Variants in LAMP1 observed in about 807,000 individuals in gnomAD.
LAMP1 encodes lysosome associated membrane protein 1, also known as lysosome-associated membrane glycoprotein 1.
Under a neutral mutation model 37.5 loss-of-function variants are expected in LAMP1, and 7 were observed. That is an observed-to-expected ratio of 0.19 (90% CI 0.11 to 0.35). The LOEUF (loss-of-function observed/expected upper bound fraction) is 0.35, where lower values mean the gene tolerates loss of function less well. LAMP1 is among the 10% of genes least tolerant of loss of function. The pLI, the probability that LAMP1 is intolerant of heterozygous loss-of-function variation, is 1.00. For missense variants in LAMP1, 537 were observed against 552.8 expected (o/e 0.97, Z 0.29); for synonymous variants, 236 against 229.1 (o/e 1.03, Z -0.27).
Position 113,309,834 on chromosome 13 carries a change from A to G in LAMP1, c.375A>G (p.Thr125=). ...GTTTTGTTTATAACTTGTCAGACAC[A>G]CACCTTTTCCCCAATGCGAGCTCCA... The part of the protein sequence containing the change: ...LMSFVYNLSD[T]HLFPNASSKE... Residue 125 remains threonine, a synonymous_variant, in exon 3 of 9, where the codon ACA becomes ACG. Transcript: ENST00000332556. 1 of 1,613,318 alleles carries G rather than the reference A, an allele frequency of 6.2e-7. No individual in the cohort carries two copies. Among genetic ancestry groups the G allele is most frequent in the Non-Finnish European group, 8.5e-7 (1 of 1,180,000 alleles).
rs1298669020 is a variant in LAMP1, at chr13:113,297,576, C to G, written c.61+81C>G. 13 of 1,177,766 alleles carry G rather than the reference C, an allele frequency of 1.1e-5. No individual in the cohort carries two copies. The highest frequency in any genetic ancestry group is 1.4e-5 in the Non-Finnish European group (13 of 947,740). The allele number at this position is 1,177,766 out of a possible 1,614,324, so 73.0% of individuals were successfully genotyped here. ...CTGGGTCTTGAGGGCGGGGGACTGCCGGGTCGTTGTCCCGCGGGTCGCCCC... is the reference window on the plus strand; with the variant it reads ...CTGGGTCTTGAGGGCGGGGGACTGCGGGGTCGTTGTCCCGCGGGTCGCCCC... On this transcript the variant is annotated intron_variant, in intron 1 of 8. Transcript: ENST00000332556. This position sits in a 1 kb window ranked among gnomAD's most constrained non-coding sequence, Gnocchi z 4.4.
At chr13:113,316,481 G>A (rs1003264119) in intron 4 of LAMP1, among the ~76,000 whole-genome samples, 2 of 150,748 alleles carry the variant, frequency 1.3e-5, no homozygotes, top group South Asian at 4.2e-4. Flanking sequence ...GGAGTGCAGT[G>A]GCGTGATCTC....
chr13:113,308,635 T>C (rs1024339538), intron 2 of LAMP1, among the ~76,000 whole-genome samples: 49 of 152,296 alleles, frequency 3.2e-4, no homozygotes, highest in African/African-American at 1.1e-3. Flanking sequence ...TCCAAGCACT[T>C]TTTATTTAAT....
intron 4 of LAMP1, among the ~76,000 whole-genome samples, chr13:113,317,449 A>T (rs1320165109): frequency 6.6e-6 from 1 of 152,230 alleles, no homozygotes; most frequent in Admixed American, 6.5e-5. Flanking sequence ...ACTGGTGGTT[A>T]GACCTGATGA....
At chr13:113,316,511 C>T (rs1483089834) in intron 4 of LAMP1, among the ~76,000 whole-genome samples, 1 of 151,254 alleles carries the variant, frequency 6.6e-6, no homozygotes, top group Admixed American at 6.6e-5. Context: ...CAAGCTCCGC[C>T]TCCTGGGTTC....
At position 113,297,431 on chromosome 13, in the gene LAMP1, C is replaced by A. The variant is rs1248490595; in HGVS notation, c.-4C>A. The A allele has an allele frequency of 1.0e-6, 1 of 965,836 alleles. No homozygotes were observed. 59.8% of individuals were successfully genotyped at this position (965,836 alleles called of 1,614,324 possible). ...CCCCGCACCGTACCCGGCCGCCTCGCGCCATGGCGGCCCCCGGCAGCGCCC... is the reference window on the plus strand; with the variant it reads ...CCCCGCACCGTACCCGGCCGCCTCGAGCCATGGCGGCCCCCGGCAGCGCCC... On this transcript the variant is annotated 5_prime_UTR_variant, in exon 1 of 9. Coordinates refer to ENST00000332556, the MANE Select transcript of LAMP1 (RefSeq NM_005561.4). This position sits in a 1 kb window ranked among gnomAD's most constrained non-coding sequence, Gnocchi z 4.4.
chr13:113,304,000 G>A (rs1360032457), intron 1 of LAMP1, among the ~76,000 whole-genome samples: 5 of 152,124 alleles, frequency 3.3e-5, no homozygotes, highest in Non-Finnish European at 7.3e-5. Flanking sequence ...CACGAGAATC[G>A]CTTGAACCTG....
intron 4 of LAMP1, 133 bp from the exon 5 acceptor site, chr13:113,319,336 G>T: frequency 1.3e-6 from 1 of 793,726 alleles, no homozygotes; most frequent in East Asian, 2.7e-5. Context: ...GAGCCACCTT[G>T]GGAGACTGAG....
chr13:113,315,706 C>T (rs1045928857), intron 4 of LAMP1, among the ~76,000 whole-genome samples: 7 of 151,760 alleles, frequency 4.6e-5, no homozygotes, highest in South Asian at 4.2e-4. Context: ...TAAAAAAGCT[C>T]GGGGACCTCA....
chr13:113,317,086 A>C (rs1408600326), intron 4 of LAMP1, among the ~76,000 whole-genome samples: 10 of 152,164 alleles, frequency 6.6e-5, no homozygotes, highest in African/African-American at 1.9e-4. Flanking sequence ...TGCAGCTTGC[A>C]GGTTGATGTG....
chr13:113,306,298 A>G, intron 1 of LAMP1, 187 bp from the exon 2 acceptor site: 4 of 467,880 alleles, frequency 8.5e-6, no homozygotes, highest in Non-Finnish European at 1.5e-5. Context: ...TGGAGGTTGC[A>G]GTGAGCTGAG....
intron 1 of LAMP1, among the ~76,000 whole-genome samples, chr13:113,299,071 C>G (rs1418198142): frequency 6.6e-6 from 1 of 151,990 alleles, no homozygotes; most frequent in Non-Finnish European, 1.5e-5. Flanking sequence ...ACCCGGGAAG[C>G]AGAGGTTGCA....
chr13:113,309,754 ACACT>A lies in LAMP1; in HGVS notation c.301_304del (p.Thr101SerfsTer15). 2 of 1,614,130 alleles carry A rather than the reference ACACT, an allele frequency of 1.2e-6. No individual in the cohort carries two copies. Among genetic ancestry groups the A allele is most frequent in the South Asian group, 1.1e-5 (1 of 91,090 alleles). On this transcript the variant is annotated frameshift_variant, in exon 3 of 9. Coordinates refer to ENST00000332556, the MANE Select transcript of LAMP1 (RefSeq NM_005561.4). LOFTEE classifies it high-confidence loss of function. ...CGTGATTGCTTTTGGAAGAGGACAT[ACACT>A]CACTCTCAATTTCACGAGAAATGCA...
chr13:113,322,594 C>A lies in LAMP1; in HGVS notation c.*173C>A. On this transcript the variant is annotated 3_prime_UTR_variant, in exon 9 of 9. Transcript: ENST00000332556. ...CACAACAGAGTAACTATCGAAATGA[C>A]GGTGTTAATTTTGCTAACTGGGTTA... 2.0e-6 allele frequency: 1 copy of A among 497,082 alleles called. No individual in the cohort carries two copies. Among genetic ancestry groups the A allele is most frequent in the Non-Finnish European group, 3.3e-6 (1 of 300,570 alleles). The allele number at this position is 497,082 out of a possible 1,614,324, so 30.8% of individuals were successfully genotyped here.
Position 113,321,583 on chromosome 13 carries a change from T to C in LAMP1, c.970T>C (p.Ser324Pro), listed in dbSNP as rs1180612685. 1 of 1,613,800 alleles carries C rather than the reference T, an allele frequency of 6.2e-7. No homozygotes were observed. Among genetic ancestry groups the C allele is most frequent in the Non-Finnish European group, 8.5e-7 (1 of 1,180,016 alleles). Residue 324 changes from serine (S) to proline (P), a missense_variant, in exon 8 of 9, where the codon TCC becomes CCC. By Grantham distance (74) the Ser-to-Pro change is moderately conservative. Transcript: ENST00000332556. This position sits in a 1 kb window ranked among gnomAD's most constrained non-coding sequence, Gnocchi z 5.6. ...CCCTGCCTTTAAAGCTGCCAACGGC[T>C]CCCTGCGAGCGCTGCAGGCCACAGT... is the stretch of plus-strand genomic sequence containing the variant. Reference protein sequence around the residue: ...RDPAFKAANGSLRALQATVGN... With the variant: ...RDPAFKAANGPLRALQATVGN...
intron 1 of LAMP1, among the ~76,000 whole-genome samples, chr13:113,302,615 A>G (rs1378659212): frequency 6.6e-6 from 1 of 151,948 alleles, no homozygotes; most frequent in Non-Finnish European, 1.5e-5. Flanking sequence ...TTTTTAAGAG[A>G]CAAGGTCTTG....
At chr13:113,312,276 A>G (rs1356162701) in intron 4 of LAMP1, among the ~76,000 whole-genome samples, 6 of 152,230 alleles carry the variant, frequency 3.9e-5, no homozygotes, top group African/African-American at 1.4e-4. Context: ...ACATACCAAA[A>G]ATCAGAAAAC....
chr13:113,310,650 CACAT>C, intron 3 of LAMP1, 55 bp from the exon 4 acceptor site: 1 of 1,196,634 alleles, frequency 8.4e-7, no homozygotes, highest in East Asian at 2.7e-5. Flanking sequence ...AAATAAAAAA[CACAT>C]AAACTAAGTA....
At chr13:113,318,846 G>A (rs1370452294) in intron 4 of LAMP1, among the ~76,000 whole-genome samples, 2 of 152,126 alleles carry the variant, frequency 1.3e-5, no homozygotes, top group Non-Finnish European at 2.9e-5. Flanking sequence ...GCCCGCCTTT[G>A]AGTCTCTGCT....
Sources: allele counts gnomAD v4.1 joint callset (sites outside exome capture counted in the v4.1 genomes callset), GRCh38; gene constraint gnomAD v4.1.1; non-coding constraint Gnocchi (gnomAD v3.1); transcripts MANE v1.5; gene names NCBI Gene and HGNC (gene_info 2026-07-23, HGNC 2026-07-21).